SRPK2: variants seen among roughly 807,000 people sequenced by gnomAD.
SRPK2 encodes the protein SRSF protein kinase 2.
Under a neutral mutation model 90.8 loss-of-function variants are expected in SRPK2, and 21 were observed. The observed-to-expected ratio is 0.23, with a 90% CI of 0.16 to 0.33. SRPK2 has a LOEUF of 0.33. Among genes scored for constraint, SRPK2 ranks in the 10% least tolerant of loss-of-function variants. The pLI is 1.00. For synonymous variants in SRPK2, 288 were observed against 311.1 expected, an observed-to-expected ratio of 0.93 and a Z score of 0.78; for missense variants, 620 against 869.0, an observed-to-expected ratio of 0.71 and a Z score of 3.60.
At chr7:105,383,684 C>G (rs1050741360) in intron 2 of SRPK2, among the ~76,000 whole-genome samples, 1 of 152,062 alleles carries the variant, frequency 6.6e-6, no homozygotes, top group African/African-American at 2.4e-5. Flanking sequence ...TCCCAAAGTG[C>G]TGGGATTACA....
chr7:105,388,976 C>A, upstream of SRPK2: 1 of 1,069,816 alleles, frequency 9.3e-7, no homozygotes, highest in Non-Finnish European at 1.1e-6. Context: ...CCGCCCCCGT[C>A]CGGCCCCGCC....
At chr7:105,312,105 G>GA (rs1811769964) in intron 2 of SRPK2, among the ~76,000 whole-genome samples, 1 of 152,142 alleles carries the variant, frequency 6.6e-6, no homozygotes, top group African/African-American at 2.4e-5. Flanking sequence ...AAATGTACAT[G>GA]AACAAATAAT....
chr7:105,327,169 G>T (rs1404434337), intron 2 of SRPK2, among the ~76,000 whole-genome samples: 1 of 152,078 alleles, frequency 6.6e-6, no homozygotes, highest in Non-Finnish European at 1.5e-5. Flanking sequence ...CATGCCAGCT[G>T]TATTTGTTAG....
chr7:105,208,123 T>C (rs1796428921), intron 2 of SRPK2, among the ~76,000 whole-genome samples: 1 of 152,180 alleles, frequency 6.6e-6, no homozygotes, highest in South Asian at 2.1e-4. Context: ...CTAGAATGGC[T>C]ATTAAAAGAA....
At chr7:105,337,874 G>A (rs1030029922) in intron 2 of SRPK2, among the ~76,000 whole-genome samples, 2 of 152,064 alleles carry the variant, frequency 1.3e-5, no homozygotes, top group Non-Finnish European at 2.9e-5. Flanking sequence ...ATAGAAATAT[G>A]TAAGGGAGAA....
chr7:105,225,753 T>C (rs1054467950), intron 2 of SRPK2, among the ~76,000 whole-genome samples: 6 of 151,984 alleles, frequency 3.9e-5, no homozygotes, highest in African/African-American at 1.5e-4. Flanking sequence ...TCCCAAAATA[T>C]CTTGTGCTTT....
At chr7:105,139,345 G>A (rs941806809) in intron 11 of SRPK2, among the ~76,000 whole-genome samples, 5 of 152,138 alleles carry the variant, frequency 3.3e-5, no homozygotes, top group African/African-American at 1.2e-4. Context: ...TAGGGACAAG[G>A]CAAGGGGGAC....
chr7:105,210,493 T>C (rs1297507344), intron 2 of SRPK2, among the ~76,000 whole-genome samples: 2 of 152,194 alleles, frequency 1.3e-5, no homozygotes, highest in Non-Finnish European at 2.9e-5. Flanking sequence ...TCAAAATACT[T>C]GGGACCAGAT....
chr7:105,160,303 T>A (rs1807408300), intron 7 of SRPK2: 3 of 369,690 alleles, frequency 8.1e-6, no homozygotes, highest in African/African-American at 2.1e-5. Context: ...TACATGTTGT[T>A]CCCTTCACAA....
intron 2 of SRPK2, among the ~76,000 whole-genome samples, chr7:105,238,960 G>A (rs908785701): frequency 1.3e-5 from 2 of 152,098 alleles, no homozygotes; most frequent in East Asian, 1.9e-4. Context: ...TGTGGTCTAC[G>A]GAGTCATTAG....
At position 105,305,170 on chromosome 7, in the gene SRPK2, T is replaced by A. The variant is rs1174431027; in HGVS notation, c.71+83478A>T. 2.0e-5 allele frequency among the ~76,000 whole-genome samples: 3 copies of A among 152,338 alleles called. No homozygotes were observed. The East Asian group carries it at 5.8e-4, about 29-fold the overall frequency. On this transcript the variant is annotated intron_variant, in intron 2 of 15. Transcript: ENST00000393651. The stretch of plus-strand genomic sequence containing the variant: ...AAATCCTGTTGCCAGCCAGGCGCTG[T>A]GGCTCATGCCTGTAATCCCAGCACT...
chr7:105,134,112 T>C (rs1802437771), intron 11 of SRPK2, among the ~76,000 whole-genome samples: 1 of 152,108 alleles, frequency 6.6e-6, no homozygotes, highest in African/African-American at 2.4e-5. Context: ...TTTGAAATGG[T>C]ATTTAAAAAC....
chr7:105,364,146 C>A (rs1818750247), intron 2 of SRPK2, among the ~76,000 whole-genome samples: 2 of 152,022 alleles, frequency 1.3e-5, no homozygotes, highest in South Asian at 4.1e-4. Flanking sequence ...AACAAACCTG[C>A]ATGCTGTGCA....
Position 105,135,709 on chromosome 7 carries a change from C to T in SRPK2, c.1544-2605G>A, listed in dbSNP as rs1043654684. Among the ~76,000 whole-genome samples the T allele has an allele frequency of 5.3e-5, 8 of 152,038 alleles. No homozygotes were observed. The South Asian group carries it at 1.7e-3, about 32-fold the overall frequency. On this transcript the variant is annotated intron_variant, in intron 11 of 15. Coordinates refer to ENST00000393651, the MANE Select transcript of SRPK2 (RefSeq NM_182692.3). ...TTTCTCAGGAGCTGCTTAATTCAAT[C>T]ACGCTAGAAGAAATATACTTTCAAA...
At chr7:105,322,725 T>C (rs917842998) in intron 2 of SRPK2, among the ~76,000 whole-genome samples, 1 of 149,818 alleles carries the variant, frequency 6.7e-6, no homozygotes, top group East Asian at 2.0e-4. Context: ...GTGAATTTCA[T>C]ATTATGTGAA....
chr7:105,273,851 T>G (rs1806151596), intron 2 of SRPK2, among the ~76,000 whole-genome samples: 1 of 152,216 alleles, frequency 6.6e-6, no homozygotes, highest in African/African-American at 2.4e-5. Context: ...AATCTAATGT[T>G]AGTTACAATT....
chr7:105,231,291 A>C (rs1459137243), intron 2 of SRPK2, among the ~76,000 whole-genome samples: 1 of 152,168 alleles, frequency 6.6e-6, no homozygotes. Flanking sequence ...GCATAGTGTT[A>C]CATTTTCTTT....
chr7:105,364,312 T>C (rs1654933047), intron 2 of SRPK2, among the ~76,000 whole-genome samples: 1 of 152,112 alleles, frequency 6.6e-6, no homozygotes, highest in African/African-American at 2.4e-5. Flanking sequence ...CAATGGTATC[T>C]TCAGTGGTAC....
intron 2 of SRPK2, among the ~76,000 whole-genome samples, chr7:105,238,327 G>A (rs968697683): frequency 5.3e-5 from 8 of 152,196 alleles, no homozygotes; most frequent in Non-Finnish European, 1.2e-4. Context: ...ACAGGAGTCA[G>A]CATAAAGCAC....
Sources: gnomAD v4.1 joint callset for allele counts (sites outside exome capture counted in the v4.1 genomes callset) on GRCh38, gnomAD v4.1.1 for gene constraint, MANE v1.5 for transcripts, NCBI Gene and HGNC (gene_info 2026-07-23, HGNC 2026-07-21) for gene names.